PARD3B: variants seen among roughly 807,000 people sequenced by gnomAD.
PARD3B encodes par-3 family cell polarity regulator beta, also known as partitioning defective 3 homolog B.
PARD3B carries 103 observed loss-of-function variants against 130.2 expected under a neutral mutation model. The ratio of observed to expected loss-of-function variants is 0.79; its 90% CI spans 0.67 to 0.93. The LOEUF (loss-of-function observed/expected upper bound fraction) is 0.93, where lower values mean the gene tolerates loss of function less well. PARD3B is among the 40% of genes least tolerant of loss of function. The probability of loss-of-function intolerance (pLI) is 0.00; values close to 1 mark genes in which losing one functional copy is unlikely to be tolerated. For missense variants in PARD3B, 1,609 were observed against 1,499.2 expected, an observed-to-expected ratio of 1.07 and a Z score of -1.21; for synonymous variants, 583 against 553.2, an observed-to-expected ratio of 1.05 and a Z score of -0.76.
intron 3 of PARD3B, among the ~76,000 whole-genome samples, chr2:204,982,242 G>C (rs1024893311): frequency 6.6e-6 from 1 of 152,154 alleles, no homozygotes; most frequent in African/African-American, 2.4e-5. Context: ...TGAAACCACT[G>C]TAATTATATC....
chr2:205,113,949 T>C (rs1207656066), intron 6 of PARD3B, among the ~76,000 whole-genome samples: 1 of 152,142 alleles, frequency 6.6e-6, no homozygotes, highest in Non-Finnish European at 1.5e-5. Context: ...AGTATAATAA[T>C]TCCAAATTGA....
At chr2:205,338,629 CTTCTGCTTAATTCACAAGAA>C (rs2043405436) in intron 18 of PARD3B, among the ~76,000 whole-genome samples, 1 of 152,114 alleles carries the variant, frequency 6.6e-6, no homozygotes, top group Non-Finnish European at 1.5e-5. Context: ...ATTGTAATTA[CTTCTGCTTAATTCACAAGAA>C]TTCTGAAAGG....
At chr2:205,449,851 G>A (rs2048038210) in intron 20 of PARD3B, among the ~76,000 whole-genome samples, 1 of 152,136 alleles carries the variant, frequency 6.6e-6, no homozygotes, top group Non-Finnish European at 1.5e-5. Context: ...GACTCTCAAG[G>A]AACTCAGTCT....
chr2:204,966,338 C>T (rs1389479436), intron 3 of PARD3B, among the ~76,000 whole-genome samples: 1 of 152,056 alleles, frequency 6.6e-6, no homozygotes, highest in African/African-American at 2.4e-5. Context: ...AGTGGGTTTT[C>T]CTGTATCTTT....
At chr2:205,318,544 A>G (rs1320795140) in intron 18 of PARD3B, among the ~76,000 whole-genome samples, 1 of 152,112 alleles carries the variant, frequency 6.6e-6, no homozygotes, top group Admixed American at 6.6e-5. Context: ...TTTTCATTTT[A>G]ATTTTACTTT....
chr2:205,193,669 C>G (rs2036516697), intron 15 of PARD3B, among the ~76,000 whole-genome samples: 1 of 152,200 alleles, frequency 6.6e-6, no homozygotes, highest in Non-Finnish European at 1.5e-5. Context: ...CAGGGCATTT[C>G]CACTCTGTGC....
intron 3 of PARD3B, among the ~76,000 whole-genome samples, chr2:205,017,221 G>C (rs1477099075): frequency 6.6e-6 from 1 of 151,998 alleles, no homozygotes; most frequent in East Asian, 1.9e-4. Context: ...TAGGGGAGTT[G>C]GACCAGTGCC....
intron 2 of PARD3B, among the ~76,000 whole-genome samples, chr2:204,893,891 A>G (rs998253867): frequency 6.6e-6 from 1 of 152,176 alleles, no homozygotes; most frequent in Non-Finnish European, 1.5e-5. Flanking sequence ...TTATTAATTC[A>G]AAGTATATAT....
At chr2:205,031,366 CT>C (rs1346653025) in intron 3 of PARD3B, among the ~76,000 whole-genome samples, 14 of 152,120 alleles carry the variant, frequency 9.2e-5, no homozygotes, top group African/African-American at 2.4e-4. Flanking sequence ...GCAATTCCTC[CT>C]TTTCTATGTA....
At chr2:205,603,854 T>C (rs1276706241) in intron 22 of PARD3B, among the ~76,000 whole-genome samples, 1 of 152,168 alleles carries the variant, frequency 6.6e-6, no homozygotes, top group African/African-American at 2.4e-5. Flanking sequence ...TCAGTTAAGG[T>C]TAATATTGTT....
At chr2:205,453,438 C>T (rs924690653) in intron 20 of PARD3B, among the ~76,000 whole-genome samples, 6 of 152,216 alleles carry the variant, frequency 3.9e-5, no homozygotes, top group East Asian at 1.9e-4. Context: ...TAGACTTTAG[C>T]CCAAGGCAAT....
chr2:204,787,625 A>G (rs950085985), intron 2 of PARD3B, among the ~76,000 whole-genome samples: 5 of 152,148 alleles, frequency 3.3e-5, no homozygotes, highest in African/African-American at 1.2e-4. Context: ...TTCACATTTT[A>G]GTGTAGCCAA....
At chr2:205,208,719 A>C (rs1372184828) in intron 15 of PARD3B, among the ~76,000 whole-genome samples, 3,093 of 123,436 alleles carry the variant, frequency 0.025, 31 homozygotes, top group African/African-American at 0.041. Context: ...GAAATAAAAG[A>C]GGATACAAAC....
intron 1 of PARD3B, among the ~76,000 whole-genome samples, chr2:204,651,553 T>G (rs1369719226): frequency 1.3e-5 from 2 of 152,330 alleles, no homozygotes; most frequent in African/African-American, 2.4e-5. Flanking sequence ...TGGGCTTGTG[T>G]TGAGTGTCTG....
At chr2:205,215,278 CTT>C (rs879735307) in intron 15 of PARD3B, among the ~76,000 whole-genome samples, 7 of 142,138 alleles carry the variant, frequency 4.9e-5, no homozygotes, top group Admixed American at 7.1e-5. Context: ...TTACATTGTT[CTT>C]TTTTTTTTTT....
At chr2:204,784,592 A>G (rs1399325490) in intron 2 of PARD3B, among the ~76,000 whole-genome samples, 1 of 152,184 alleles carries the variant, frequency 6.6e-6, no homozygotes, top group Non-Finnish European at 1.5e-5. Flanking sequence ...CAACAGTAAG[A>G]AGAGAAATCA....
chr2:204,909,823 G>A (rs1232244846), intron 2 of PARD3B, among the ~76,000 whole-genome samples: 1 of 152,160 alleles, frequency 6.6e-6, no homozygotes, highest in African/African-American at 2.4e-5. Flanking sequence ...TTCAGTGCAT[G>A]AATCTGCCAT....
intron 2 of PARD3B, among the ~76,000 whole-genome samples, chr2:204,926,539 A>G (rs1687631941): frequency 6.6e-6 from 1 of 152,078 alleles, no homozygotes; most frequent in African/African-American, 2.4e-5. Context: ...ACACAGCTAG[A>G]AGCCCCAGCG....
At chr2:205,279,087 A>AAAAAC (rs2041085298) in intron 16 of PARD3B, among the ~76,000 whole-genome samples, 2 of 150,534 alleles carry the variant, frequency 1.3e-5, no homozygotes, top group South Asian at 2.1e-4. Context: ...AAAAAAAAAA[A>AAAAAC]AAAAAAAAAC....
Sources: allele counts gnomAD v4.1 joint callset (sites outside exome capture counted in the v4.1 genomes callset), GRCh38; gene constraint gnomAD v4.1.1; transcripts MANE v1.5; gene names NCBI Gene and HGNC (gene_info 2026-07-23, HGNC 2026-07-21).